Variants in TFCP2 observed in about 807,000 individuals in gnomAD.
The protein encoded by TFCP2 is transcription factor CP2.
In TFCP2, 33 loss-of-function variants were observed where a neutral mutation model predicts 73.4. The ratio of observed to expected loss-of-function variants is 0.45; its 90% CI spans 0.34 to 0.60. The LOEUF is 0.60. Ranked by LOEUF, TFCP2 falls within the 20% of genes least tolerant of loss-of-function variation. The pLI is 0.01. For synonymous variants in TFCP2, 193 were observed against 211.6 expected (o/e 0.91, Z 0.76); for missense variants, 352 against 604.0 (o/e 0.58, Z 4.37).
chr12:51,146,706 C>T (rs1389569700), intron 1 of TFCP2, among the ~76,000 whole-genome samples: 4 of 152,130 alleles, frequency 2.6e-5, no homozygotes, highest in Admixed American at 2.6e-4. Context: ...CTTTGCAGGG[C>T]CAAATCTTAC....
At position 51,095,017 on chromosome 12, in the gene TFCP2, A is replaced by C. The variant is rs1456005413; in HGVS notation, c.*224T>G. 3 of 575,680 alleles carry C rather than the reference A, an allele frequency of 5.2e-6. No individual in the cohort carries two copies. Among genetic ancestry groups the C allele is most frequent in the Non-Finnish European group, 9.3e-6 (3 of 321,498 alleles). The allele number at this position is 575,680 out of a possible 1,614,324, so 35.7% of individuals were successfully genotyped here. A position where few individuals can be genotyped will look rare whatever the true frequency, so the allele number is the denominator to read the frequency against. The stretch of plus-strand genomic sequence containing the variant: ...ACAACAAGGTCCAGAAATTTAACTA[A>C]AACAGCTGCAGAACTGCATATTGGG... On this transcript the variant is annotated 3_prime_UTR_variant, in exon 15 of 15. Transcript: ENST00000257915.
intron 13 of TFCP2, 137 bp from the exon 14 acceptor site, chr12:51,096,177 A>C: frequency 1.6e-6 from 1 of 637,212 alleles, no homozygotes; most frequent in Non-Finnish European, 2.6e-6. Flanking sequence ...TATTTCTTGA[A>C]TATCTAGGAT....
At chr12:51,140,407 T>C (rs985056900) in intron 1 of TFCP2, among the ~76,000 whole-genome samples, 5 of 151,348 alleles carry the variant, frequency 3.3e-5, no homozygotes, top group African/African-American at 4.9e-5. Context: ...TTCTTCCTTT[T>C]TTCTTCCTTC....
At chr12:51,145,910 A>T (rs1209217099) in intron 1 of TFCP2, among the ~76,000 whole-genome samples, 1 of 151,674 alleles carries the variant, frequency 6.6e-6, no homozygotes, top group Non-Finnish European at 1.5e-5. Context: ...TGTGATTGCC[A>T]CTGCACTCCA....
chr12:51,096,367 A>G (rs1939965778), intron 13 of TFCP2, among the ~76,000 whole-genome samples: 1 of 152,210 alleles, frequency 6.6e-6, no homozygotes, highest in Admixed American at 6.5e-5. Context: ...TTCAACTCCC[A>G]TATGTGCTCT....
At chr12:51,122,706 A>G (rs1203132966) in intron 1 of TFCP2, among the ~76,000 whole-genome samples, 1 of 152,216 alleles carries the variant, frequency 6.6e-6, no homozygotes, top group Non-Finnish European at 1.5e-5. Context: ...TTTTTTCCAC[A>G]TGAAACATAT....
chr12:51,132,954 G>C (rs7960097), intron 1 of TFCP2, among the ~76,000 whole-genome samples: 1 of 152,014 alleles, frequency 6.6e-6, no homozygotes, highest in Admixed American at 6.6e-5. Context: ...AGAACTGCAC[G>C]GTCAATCCAC....
chr12:51,124,780 GCTGCTCAGCCTTTTTCT>G (rs754063234), intron 1 of TFCP2: 75 of 811,152 alleles, frequency 9.2e-5, no homozygotes, highest in Non-Finnish European at 1.4e-4. Context: ...ACCTTTTTCT[GCTGCTCAGCCTTTTTCT>G]GCTGCTCAGC....
chr12:51,149,212 G>A (rs1941368571), intron 1 of TFCP2, among the ~76,000 whole-genome samples: 1 of 152,018 alleles, frequency 6.6e-6, no homozygotes, highest in Admixed American at 6.6e-5. Flanking sequence ...ATAAGTGGGA[G>A]CTAAGCTATG....
At chr12:51,144,296 A>T (rs1300260390) in intron 1 of TFCP2, among the ~76,000 whole-genome samples, 6 of 152,168 alleles carry the variant, frequency 3.9e-5, no homozygotes, top group African/African-American at 7.2e-5. Flanking sequence ...AGCCTTCCAA[A>T]ATGCTGAGAT....
At chr12:51,111,087 G>C in intron 4 of TFCP2, 104 bp from the exon 5 acceptor site, 1 of 757,230 alleles carries the variant, frequency 1.3e-6, no homozygotes, top group East Asian at 2.6e-5. Flanking sequence ...CAAGATTTTT[G>C]TATATCACAT....
intron 8 of TFCP2, 127 bp downstream of exon 8, chr12:51,106,398 T>C (rs1940243217): frequency 1.5e-6 from 1 of 650,108 alleles, no homozygotes; most frequent in South Asian, 2.0e-5. Flanking sequence ...TCAGTTAATA[T>C]ATAAATCCAT....
intron 1 of TFCP2, among the ~76,000 whole-genome samples, chr12:51,122,075 T>C (rs1346662675): frequency 1.3e-5 from 2 of 152,024 alleles, no homozygotes; most frequent in African/African-American, 4.8e-5. Flanking sequence ...ATGTTCTGAT[T>C]ATTGACTTCA....
chr12:51,167,479 G>A (rs1272376617), intron 1 of TFCP2, among the ~76,000 whole-genome samples: 5 of 151,802 alleles, frequency 3.3e-5, no homozygotes, highest in African/African-American at 4.8e-5. Flanking sequence ...TGCAACCTCC[G>A]CCTCCCAGGT....
chr12:51,139,342 C>G (rs1473444668), intron 1 of TFCP2, among the ~76,000 whole-genome samples: 1 of 152,072 alleles, frequency 6.6e-6, no homozygotes, highest in African/African-American at 2.4e-5. Context: ...TCTCATCTCT[C>G]ACCATACTTC....
At chr12:51,139,175 C>A (rs1941132700) in intron 1 of TFCP2, among the ~76,000 whole-genome samples, 2 of 152,170 alleles carry the variant, frequency 1.3e-5, no homozygotes, top group Non-Finnish European at 2.9e-5. Context: ...TATCCTCTAA[C>A]CTGCAGCCAG....
chr12:51,116,033 T>A (rs1363833360), intron 4 of TFCP2, among the ~76,000 whole-genome samples: 1 of 152,210 alleles, frequency 6.6e-6, no homozygotes, highest in Non-Finnish European at 1.5e-5. Context: ...TAAAAATGGT[T>A]AAAATGATAA....
chr12:51,132,395 G>A (rs1940967549), intron 1 of TFCP2, among the ~76,000 whole-genome samples: 1 of 27,456 alleles, frequency 3.6e-5, no homozygotes, highest in Admixed American at 5.2e-4. Context: ...TTTAGACAGA[G>A]TCTCGCTCTA....
Position 51,142,967 on chromosome 12 carries a change from A to G in TFCP2, c.123-24195T>C, listed in dbSNP as rs1941222921. Among the ~76,000 whole-genome samples the G allele has an allele frequency of 5.3e-5, 8 of 151,712 alleles. No individual in the cohort carries two copies. In the South Asian group the frequency reaches 1.7e-3, roughly 32 times the overall value. The stretch of plus-strand genomic sequence containing the variant: ...CACTCAACCCAACTGTAACTCCTAA[A>G]TTTACCACTCTCTTCTCTGGATCCT... On this transcript the variant is annotated intron_variant, in intron 1 of 14. Transcript: ENST00000257915.
Sources: gnomAD v4.1 joint callset for allele counts (sites outside exome capture counted in the v4.1 genomes callset) on GRCh38, gnomAD v4.1.1 for gene constraint, MANE v1.5 for transcripts, NCBI Gene and HGNC (gene_info 2026-07-23, HGNC 2026-07-21) for gene names.